Variants in FAM117A observed in about 807,000 individuals in gnomAD.
The protein encoded by FAM117A is family with sequence similarity 117 member A.
Under a neutral mutation model 44.1 loss-of-function variants are expected in FAM117A, and 21 were observed. That is an observed-to-expected ratio of 0.48 (90% CI 0.34 to 0.69). FAM117A has a LOEUF of 0.69. Ranked by LOEUF, FAM117A falls within the 30% of genes least tolerant of loss-of-function variation. The pLI, the probability that FAM117A is intolerant of heterozygous loss-of-function variation, is 0.01. For missense variants in FAM117A, 498 were observed against 589.9 expected (o/e 0.84, Z 1.61); for synonymous variants, 220 against 238.3 (o/e 0.92, Z 0.71).
At chr17:49,778,629 G>A (rs971029265) in intron 1 of FAM117A, among the ~76,000 whole-genome samples, 1 of 152,192 alleles carries the variant, frequency 6.6e-6, no homozygotes, top group Non-Finnish European at 1.5e-5. Context: ...ATAAATGTGT[G>A]TACAAGAGTA....
chr17:49,782,913 A>G (rs1033236809), intron 1 of FAM117A, among the ~76,000 whole-genome samples: 5 of 152,190 alleles, frequency 3.3e-5, no homozygotes, highest in African/African-American at 1.2e-4. Context: ...GCTTCTGGCC[A>G]ATGCCTAGCA....
intron 1 of FAM117A, among the ~76,000 whole-genome samples, chr17:49,769,338 TGACAATA>T (rs1388754298): frequency 6.6e-6 from 1 of 151,768 alleles, no homozygotes. Context: ...TTCTCATCCT[TGACAATA>T]TATGATATGG....
intron 2 of FAM117A, among the ~76,000 whole-genome samples, chr17:49,725,331 T>C (rs993129422): frequency 2.0e-5 from 3 of 152,230 alleles, no homozygotes. Flanking sequence ...GTACACTGTG[T>C]GCCCGGTACT....
intron 1 of FAM117A, among the ~76,000 whole-genome samples, chr17:49,755,038 CAAAAAAAAAAAA>C (rs199709334): frequency 2.3e-5 from 1 of 43,246 alleles, no homozygotes; most frequent in South Asian, 8.6e-4. Flanking sequence ...AACTCCGTCT[CAAAAAAAAAAAA>C]AAAAAAAAAA....
intron 1 of FAM117A, among the ~76,000 whole-genome samples, chr17:49,786,548 G>A (rs1034836167): frequency 5.3e-5 from 8 of 151,838 alleles, no homozygotes; most frequent in Admixed American, 1.3e-4. Flanking sequence ...AGGCTGAGGC[G>A]GGTGGATCAC....
intron 1 of FAM117A, among the ~76,000 whole-genome samples, chr17:49,739,634 G>C (rs1188814797): frequency 6.6e-6 from 1 of 152,238 alleles, no homozygotes; most frequent in Non-Finnish European, 1.5e-5. Context: ...GCATTGAGAA[G>C]TCACAACGGT....
chr17:49,777,170 G>C (rs1419747242), intron 1 of FAM117A, among the ~76,000 whole-genome samples: 1 of 152,180 alleles, frequency 6.6e-6, no homozygotes, highest in Non-Finnish European at 1.5e-5. Flanking sequence ...TCCCTGCTTA[G>C]CTTGCAGCCT....
chr17:49,773,962 C>A lies in FAM117A; in HGVS notation c.-621+14535G>T, dbSNP rs542618219. On this transcript the variant is annotated intron_variant, in intron 1 of 7. Coordinates refer to the FAM117A transcript ENST00000513602. ...AGAGATGGGATTTTTCCATGTTGGT[C>A]AGGTTGGTGTCAAATTCCCGACCTC... 6.6e-5 allele frequency among the ~76,000 whole-genome samples: 10 copies of A among 152,254 alleles called. No homozygotes were observed. In the South Asian group the frequency reaches 1.4e-3, roughly 22 times the overall value.
intron 7 of FAM117A, among the ~76,000 whole-genome samples, chr17:49,714,716 G>T (rs1337533873): frequency 7.0e-6 from 1 of 143,550 alleles, no homozygotes; most frequent in Non-Finnish European, 1.5e-5. Context: ...GCGTGATCTC[G>T]GCTCACTGCA....
chr17:49,777,712 G>T (rs2073779056), intron 1 of FAM117A, among the ~76,000 whole-genome samples: 1 of 152,174 alleles, frequency 6.6e-6, no homozygotes, highest in South Asian at 2.1e-4. Flanking sequence ...AGGGATGCTG[G>T]TTGCAGGGAT....
intron 1 of FAM117A, among the ~76,000 whole-genome samples, chr17:49,760,916 T>C (rs2073720245): frequency 6.6e-6 from 1 of 152,240 alleles, no homozygotes; most frequent in Non-Finnish European, 1.5e-5. Context: ...TTTAGAGTTA[T>C]CTTTCATTTT....
chr17:49,762,143 C>G (rs974162358), intron 1 of FAM117A, among the ~76,000 whole-genome samples: 5 of 152,204 alleles, frequency 3.3e-5, no homozygotes, highest in Non-Finnish European at 5.9e-5. Context: ...AGCAATTGTC[C>G]TTTTAATATT....
At chr17:49,746,894 T>C (rs1284057505) in intron 1 of FAM117A, among the ~76,000 whole-genome samples, 2 of 152,044 alleles carry the variant, frequency 1.3e-5, no homozygotes, top group South Asian at 4.1e-4. Context: ...TCTAGCTAGA[T>C]AGATAAAAGG....
In FAM117A at chr17:49,732,720, G is replaced by T; in HGVS notation, c.197C>A (p.Ala66Asp). 1 of 1,612,590 alleles carries T rather than the reference G, an allele frequency of 6.2e-7. No homozygotes were observed. The highest frequency in any genetic ancestry group is 1.1e-5 in the South Asian group (1 of 90,780). ...HQRRDGGGRA[A>D]SVPCSVAPEK... ...TGGGGCCACCGAGCATGGGACGCTGGCTGCAAGAGAACACAGCCCGCACGC... is the reference window on the plus strand; with the variant it reads ...TGGGGCCACCGAGCATGGGACGCTGTCTGCAAGAGAACACAGCCCGCACGC... Residue 66 changes from alanine (A) to aspartate (D), a missense_variant and splice_region_variant, in exon 2 of 8, where the codon GCC (alanine) becomes GAC (aspartate). Around this residue, in one of 3 missense-constraint regions of FAM117A, gnomAD observed 270 missense variants for 277.4 expected, o/e 0.97. Transcript: ENST00000240364.
intron 1 of FAM117A, among the ~76,000 whole-genome samples, chr17:49,753,335 A>G (rs770324717): frequency 3.9e-5 from 6 of 152,240 alleles, no homozygotes; most frequent in African/African-American, 7.2e-5. Context: ...CCTTTGCCTA[A>G]TTAAGCAAAA....
chr17:49,779,453 T>C (rs549617185), intron 1 of FAM117A, among the ~76,000 whole-genome samples: 1 of 152,268 alleles, frequency 6.6e-6, no homozygotes, highest in African/African-American at 2.4e-5. Context: ...AGGCAAGGGA[T>C]AGCCCCCACC....
intron 7 of FAM117A, 60 bp from the exon 8 acceptor site, chr17:49,711,615 G>T (rs985041638): frequency 4.0e-5 from 59 of 1,487,492 alleles, no homozygotes; most frequent in Non-Finnish European, 5.4e-5. Flanking sequence ...AACAGACAGC[G>T]AGAGAGGGTG....
At chr17:49,779,793 G>C (rs2143804891) in intron 1 of FAM117A, among the ~76,000 whole-genome samples, 1 of 152,362 alleles carries the variant, frequency 6.6e-6, no homozygotes, top group South Asian at 2.1e-4. Flanking sequence ...CATTGGAGAA[G>C]AGGGTCACAA....
At chr17:49,745,748 T>C (rs555313482) in intron 1 of FAM117A, among the ~76,000 whole-genome samples, 25 of 152,276 alleles carry the variant, frequency 1.6e-4, no homozygotes, top group African/African-American at 6.0e-4. Context: ...TGACATGTTT[T>C]CAAAATGTTA....
Sources: allele counts gnomAD v4.1 joint callset (sites outside exome capture counted in the v4.1 genomes callset), GRCh38; gene constraint gnomAD v4.1.1; regional missense constraint gnomAD v4.1.1; transcripts MANE v1.5; gene names NCBI Gene and HGNC (gene_info 2026-07-23, HGNC 2026-07-21).